Variants in CSMD1 observed in about 807,000 individuals in gnomAD.
CSMD1 encodes CUB and Sushi multiple domains 1.
A neutral mutation model predicts 417.5 loss-of-function variants in CSMD1; 213 were observed. That is an observed-to-expected ratio of 0.51 (90% CI 0.46 to 0.57). The LOEUF (loss-of-function observed/expected upper bound fraction) is 0.57. Among genes scored for constraint, CSMD1 ranks in the 20% least tolerant of loss-of-function variants. The probability of loss-of-function intolerance (pLI) is 0.00; values close to 1 mark genes in which losing one functional copy is unlikely to be tolerated. For synonymous variants in CSMD1, 2,862 were observed against 1,736.8 expected (o/e 1.65, Z -16.11); for missense variants, 6,923 against 4,529.7 (o/e 1.53, Z -15.17).
intron 5 of CSMD1, among the ~76,000 whole-genome samples, chr8:3,864,116 G>A (rs1405691967): frequency 6.6e-6 from 1 of 151,798 alleles, no homozygotes; most frequent in Admixed American, 6.6e-5. Flanking sequence ...TAAAGCTGTT[G>A]ATATTTTAAA....
chr8:4,478,881 A>C (rs1800940282), intron 2 of CSMD1, among the ~76,000 whole-genome samples: 1 of 152,188 alleles, frequency 6.6e-6, no homozygotes, highest in Admixed American at 6.5e-5. Context: ...TAGACTTAAA[A>C]AGCAGACAAA....
At chr8:3,651,092 T>C (rs1026230003) in intron 7 of CSMD1, among the ~76,000 whole-genome samples, 9 of 152,232 alleles carry the variant, frequency 5.9e-5, no homozygotes, top group African/African-American at 2.2e-4. Context: ...GTGCATACAA[T>C]GGCCGTTTAT....
intron 1 of CSMD1, among the ~76,000 whole-genome samples, chr8:4,718,896 T>A (rs570401581): frequency 6.6e-6 from 1 of 152,094 alleles, no homozygotes; most frequent in Admixed American, 6.6e-5. Flanking sequence ...ATCTTTGAAC[T>A]CTATGACATT....
chr8:3,530,757 G>T (rs1362327026), intron 10 of CSMD1, among the ~76,000 whole-genome samples: 2 of 152,014 alleles, frequency 1.3e-5, no homozygotes, highest in Non-Finnish European at 2.9e-5. Context: ...TCAAATTCCT[G>T]ACCTCAGGTG....
chr8:3,411,784 GTA>G (rs1226513090), intron 12 of CSMD1, among the ~76,000 whole-genome samples: 4 of 112,376 alleles, frequency 3.6e-5, no homozygotes, highest in African/African-American at 1.1e-4. Flanking sequence ...GTATATACCT[GTA>G]TATATACACG....
chr8:4,419,027 C>T (rs931181367), intron 3 of CSMD1, among the ~76,000 whole-genome samples: 10 of 152,172 alleles, frequency 6.6e-5, no homozygotes, highest in Non-Finnish European at 1.3e-4. Flanking sequence ...TTGCACAAAC[C>T]ACGTGTATAT....
chr8:4,887,221 A>G (rs1377266457), intron 1 of CSMD1, among the ~76,000 whole-genome samples: 5 of 151,994 alleles, frequency 3.3e-5, no homozygotes, highest in African/African-American at 4.8e-5. Context: ...CATTGTGATT[A>G]TTTTGCCTCA....
intron 5 of CSMD1, among the ~76,000 whole-genome samples, chr8:3,927,376 AAAC>A (rs1809812600): frequency 2.0e-5 from 3 of 151,960 alleles, no homozygotes. Context: ...GTATAACAGA[AAAC>A]AATACAGCCA....
chr8:4,355,230 C>G (rs1801353613), intron 3 of CSMD1, among the ~76,000 whole-genome samples: 1 of 151,840 alleles, frequency 6.6e-6, no homozygotes, highest in Admixed American at 6.6e-5. Flanking sequence ...CCACTGCACT[C>G]CAGCCTGGGT....
intron 7 of CSMD1, among the ~76,000 whole-genome samples, chr8:3,626,860 TTACATAAA>T (rs1369190941): frequency 7.2e-4 from 108 of 149,540 alleles, no homozygotes; most frequent in Middle Eastern, 3.6e-3. Context: ...ATAAGTGTAT[TTACATAAA>T]TACATAAATA....
chr8:3,969,231 C>A (rs1347899811), intron 5 of CSMD1, among the ~76,000 whole-genome samples: 22 of 152,266 alleles, frequency 1.4e-4, no homozygotes, highest in African/African-American at 4.8e-4. Context: ...GCCTGGGTGA[C>A]AGAGTGAGAC....
chr8:3,956,519 G>A (rs1432475090), intron 5 of CSMD1, among the ~76,000 whole-genome samples: 1 of 152,160 alleles, frequency 6.6e-6, no homozygotes, highest in Non-Finnish European at 1.5e-5. Flanking sequence ...AGGACAGGTG[G>A]AAACTCAGTA....
intron 10 of CSMD1, among the ~76,000 whole-genome samples, chr8:3,538,183 A>G (rs1341676540): frequency 6.6e-6 from 1 of 151,794 alleles, no homozygotes; most frequent in Non-Finnish European, 1.5e-5. Context: ...CGGATCAACT[A>G]CACCTTGCAT....
intron 1 of CSMD1, among the ~76,000 whole-genome samples, chr8:4,756,660 G>C (rs554018198): frequency 3.3e-5 from 5 of 152,220 alleles, no homozygotes; most frequent in African/African-American, 9.6e-5. Flanking sequence ...TGGAGGATCA[G>C]AAAAAATAGA....
At chr8:4,108,018 TGCAGGG>T (rs1419832532) in intron 3 of CSMD1, among the ~76,000 whole-genome samples, 1 of 147,632 alleles carries the variant, frequency 6.8e-6, no homozygotes, top group Non-Finnish European at 1.5e-5. Flanking sequence ...ACAGAAAGAC[TGCAGGG>T]GAGAGAGAGA....
chr8:3,254,369 C>T lies in CSMD1; in HGVS notation c.4154-24138G>A, dbSNP rs544639301. Among the ~76,000 whole-genome samples the T allele has an allele frequency of 2.2e-4, 34 of 152,194 alleles. No homozygotes were observed. In the South Asian group the frequency reaches 4.2e-3, roughly 19 times the overall value. ...TTATGTGTCTTAGAGTTACTCTTCT[C>T]GAGGGGTATATTTGTGGCATTCTCT... On this transcript the variant is annotated intron_variant, in intron 26 of 69. Transcript: ENST00000635120.
intron 5 of CSMD1, among the ~76,000 whole-genome samples, chr8:3,771,040 G>T (rs992919841): frequency 1.3e-5 from 2 of 152,004 alleles, no homozygotes; most frequent in Non-Finnish European, 2.9e-5. Context: ...CTGCGTGCGT[G>T]TGTGTGTTTC....
intron 37 of CSMD1, 36 bp downstream of exon 37, chr8:3,181,074 A>C (rs763305212): frequency 7.7e-6 from 10 of 1,295,548 alleles, no homozygotes; most frequent in Non-Finnish European, 1.1e-5. Flanking sequence ...ACTCAGTATA[A>C]CAGTGGAAGC....
At chr8:3,920,572 T>C (rs1376665274) in intron 5 of CSMD1, among the ~76,000 whole-genome samples, 2 of 152,166 alleles carry the variant, frequency 1.3e-5, no homozygotes, top group Non-Finnish European at 2.9e-5. Flanking sequence ...TAAAGAGAAA[T>C]GCTTTCAGCT....
Sources: allele counts gnomAD v4.1 joint callset (sites outside exome capture counted in the v4.1 genomes callset), GRCh38; gene constraint gnomAD v4.1.1; transcripts MANE v1.5; gene names NCBI Gene and HGNC (gene_info 2026-07-23, HGNC 2026-07-21).